The following SDAD1 variants were observed in gnomAD, a reference collection of about 807,000 sequenced individuals.
The protein encoded by SDAD1 is protein SDA1 homolog.
A neutral mutation model predicts 100.3 loss-of-function variants in SDAD1; 79 were observed. The observed-to-expected ratio is 0.79, with a 90% CI of 0.66 to 0.95. The LOEUF (loss-of-function observed/expected upper bound fraction) is 0.95, where lower values mean the gene tolerates loss of function less well. Among genes scored for constraint, SDAD1 ranks in the 40% least tolerant of loss-of-function variants. The pLI, the probability that SDAD1 is intolerant of heterozygous loss-of-function variation, is 0.00. For missense variants in SDAD1, 790 were observed against 810.9 expected, an observed-to-expected ratio of 0.97 and a Z score of 0.31; for synonymous variants, 267 against 271.4, an observed-to-expected ratio of 0.98 and a Z score of 0.16.
rs190953556 is a variant in SDAD1 at position 75,952,628 on chromosome 4, G to T, written c.2017-1831C>A. Among the ~76,000 whole-genome samples the T allele has an allele frequency of 2.9e-3, 445 of 152,206 alleles. 3 individuals carry two copies. The highest frequency in any genetic ancestry group is 9.8e-3 in the African/African-American group (405 of 41,516). On this transcript the variant is annotated intron_variant, in intron 21 of 21. Transcript: ENST00000356260. ...CTGAAATATCACCAAAGGGTAGGGGGGTGTGTGAAGTGTGATGCTCCTTTC... is the reference window on the plus strand; with the variant it reads ...CTGAAATATCACCAAAGGGTAGGGGTGTGTGTGAAGTGTGATGCTCCTTTC...
chr4:75,975,285 T>A (rs1173173069), intron 6 of SDAD1, among the ~76,000 whole-genome samples: 1 of 152,166 alleles, frequency 6.6e-6, no homozygotes, highest in Admixed American at 6.5e-5. Context: ...GGACACTGTA[T>A]CAACAAACTG....
At chr4:75,967,480 C>G in intron 11 of SDAD1, 146 bp from the exon 12 acceptor site, 1 of 670,292 alleles carries the variant, frequency 1.5e-6, no homozygotes, top group Non-Finnish European at 2.6e-6. Context: ...TAGGATGATT[C>G]AATATGCTAT....
chr4:75,979,219 C>CA (rs1301355111), intron 3 of SDAD1, among the ~76,000 whole-genome samples: 3 of 150,488 alleles, frequency 2.0e-5, no homozygotes, highest in African/African-American at 7.3e-5. Context: ...TTATTTCTTC[C>CA]AAAAAAAATA....
chr4:75,976,051 G>A, intron 4 of SDAD1, 56 bp from the exon 5 acceptor site: 1 of 1,124,220 alleles, frequency 8.9e-7, no homozygotes, highest in Non-Finnish European at 1.3e-6. Flanking sequence ...TTTTAACCTT[G>A]CTAAATTTGG....
chr4:75,971,400 G>A lies in SDAD1; in HGVS notation c.770C>T (p.Ser257Phe). 6.2e-7 allele frequency: 1 copy of A among 1,613,882 alleles called. No homozygotes were observed. The highest frequency in any genetic ancestry group is 2.2e-5 in the East Asian group (1 of 44,852). ...LVQYATGKKS[S>F]KNKKKLEKAM... ...CTTTTCCAACTTTTTCTTGTTTTTG[G>A]AACTTTTCTTCCCTGTAGCATATTG... Residue 257 changes from serine to phenylalanine, a missense_variant, in exon 9 of 22, where the codon TCC becomes TTC. Physicochemically the swap from Ser to Phe is radical, Grantham distance 155. Transcript: ENST00000356260.
At chr4:75,990,536 G>A (rs1455475128) in intron 1 of SDAD1, among the ~76,000 whole-genome samples, 1 of 152,170 alleles carries the variant, frequency 6.6e-6, no homozygotes, top group Admixed American at 6.5e-5. Context: ...AGCAGGGCAG[G>A]TAGAAAATCC....
Position 75,975,733 on chromosome 4 carries a change from A to G in SDAD1, c.578+11T>C, listed in dbSNP as rs1205431781. ...AGTCTACTTCTCAAGAGACAAATAT[A>G]TATACACTACCAGATGTTCCTTCTG... On this transcript the variant is annotated intron_variant, in intron 6 of 21. Coordinates refer to ENST00000356260, the MANE Select transcript of SDAD1 (RefSeq NM_018115.4). The G allele has an allele frequency of 1.9e-6, 3 of 1,582,424 alleles. No homozygotes were observed. Among genetic ancestry groups the G allele is most frequent in the African/African-American group, 2.7e-5 (2 of 74,278 alleles).
chr4:75,972,753 G>A (rs1042196275), intron 8 of SDAD1, among the ~76,000 whole-genome samples: 18 of 150,114 alleles, frequency 1.2e-4, no homozygotes, highest in African/African-American at 3.9e-4. Flanking sequence ...CAGGTACGGT[G>A]GCTCACGTCT....
intron 8 of SDAD1, 89 bp from the exon 9 acceptor site, chr4:75,971,547 A>C: frequency 1.1e-6 from 1 of 935,102 alleles, no homozygotes; most frequent in Middle Eastern, 2.2e-4. Flanking sequence ...CTTCGTTCTT[A>C]TACTCTTTGC....
chr4:75,976,119 A>C, intron 4 of SDAD1, 124 bp from the exon 5 acceptor site: 1 of 618,430 alleles, frequency 1.6e-6, no homozygotes. Context: ...TCTATCCCAA[A>C]AGAAACCCAA....
chr4:75,978,818 A>C (rs115703461), intron 3 of SDAD1, among the ~76,000 whole-genome samples: 2,259 of 151,276 alleles, frequency 0.015, 54 homozygotes, highest in African/African-American at 0.049. Flanking sequence ...TCTACACAAA[A>C]AAAAAAAAAA....
chr4:75,966,265 C>T (rs11097190), intron 12 of SDAD1, among the ~76,000 whole-genome samples: 11,886 of 115,942 alleles, frequency 0.1, 530 homozygotes, highest in African/African-American at 0.17. Context: ...TGAATGAATG[C>T]ATACACACAC....
At chr4:75,969,696 T>C (rs764838001) in intron 10 of SDAD1, among the ~76,000 whole-genome samples, 10 of 152,108 alleles carry the variant, frequency 6.6e-5, no homozygotes, top group African/African-American at 1.2e-4. Flanking sequence ...GGGAGGCTCA[T>C]TGGAAATGCA....
At chr4:75,960,040 A>C in intron 17 of SDAD1, 26 bp downstream of exon 17, 1 of 1,597,534 alleles carries the variant, frequency 6.3e-7, no homozygotes. Flanking sequence ...TGTTTTGCCC[A>C]AAATAAGGGT....
chr4:75,974,330 T>TA (rs368549241), intron 6 of SDAD1, among the ~76,000 whole-genome samples, 197 bp from the exon 7 acceptor site: 17 of 149,918 alleles, frequency 1.1e-4, no homozygotes, highest in African/African-American at 3.4e-4. Flanking sequence ...AGCCCAGACT[T>TA]ACGACAAAAT....
chr4:75,982,423 G>C (rs537844935), intron 1 of SDAD1, among the ~76,000 whole-genome samples: 16 of 152,260 alleles, frequency 1.1e-4, no homozygotes, highest in African/African-American at 3.9e-4. Flanking sequence ...CAAAGTGGGA[G>C]GATCACTTGA....
intron 9 of SDAD1, among the ~76,000 whole-genome samples, chr4:75,970,904 C>T (rs1729834863): frequency 6.6e-6 from 1 of 152,216 alleles, no homozygotes. Flanking sequence ...CCTCCCCCAC[C>T]ATGCAGAACT....
chr4:75,962,858 T>C (rs1207736862), intron 14 of SDAD1, among the ~76,000 whole-genome samples: 4 of 152,216 alleles, frequency 2.6e-5, no homozygotes, highest in Non-Finnish European at 5.9e-5. Flanking sequence ...TTCACTCTGA[T>C]GGTAGTTTCT....
rs889373137 is a variant in SDAD1 at position 75,961,090 on chromosome 4, C to T, written c.1294G>A (p.Ala432Thr). ...THKDKNVMMS[A>T]RTLIHLFRTL... ...CGGAAGAGGTGAATCAAAGTTCTAG[C>T]AGACATCATTACATCTGTAAAATAA... Residue 432 changes from alanine (A) to threonine (T), a missense_variant, in exon 16 of 22, where the codon GCT becomes ACT. Transcript: ENST00000356260. 1 of 1,614,050 alleles carries T rather than the reference C, an allele frequency of 6.2e-7. No homozygotes were observed. Among genetic ancestry groups the T allele is most frequent in the South Asian group, 1.1e-5 (1 of 91,086 alleles).
Sources: allele counts gnomAD v4.1 joint callset (sites outside exome capture counted in the v4.1 genomes callset), GRCh38; gene constraint gnomAD v4.1.1; transcripts MANE v1.5; gene names NCBI Gene and HGNC (gene_info 2026-07-23, HGNC 2026-07-21).